GRHL2: variants seen among roughly 807,000 people sequenced by gnomAD.
GRHL2 encodes the protein grainyhead-like protein 2 homolog.
GRHL2 carries 21 observed loss-of-function variants against 83.8 expected under a neutral mutation model. The ratio of observed to expected loss-of-function variants is 0.25; its 90% confidence interval spans 0.18 to 0.36. GRHL2 has a LOEUF of 0.36. Ranked by LOEUF, GRHL2 falls within the 10% of genes least tolerant of loss-of-function variation. The pLI is 1.00. For synonymous variants in GRHL2, 280 were observed against 278.9 expected, an observed-to-expected ratio of 1.00 and a Z score of -0.04; for missense variants, 623 against 781.8, an observed-to-expected ratio of 0.80 and a Z score of 2.42.
At chr8:101,516,682 C>T (rs1810579337) in intron 1 of GRHL2, among the ~76,000 whole-genome samples, 1 of 152,214 alleles carries the variant, frequency 6.6e-6, no homozygotes, top group Non-Finnish European at 1.5e-5. Flanking sequence ...GCTGGGATTA[C>T]AGGCATGAGC....
intron 1 of GRHL2, among the ~76,000 whole-genome samples, chr8:101,503,997 C>A (rs1400899628): frequency 6.6e-6 from 1 of 151,864 alleles, no homozygotes; most frequent in East Asian, 1.9e-4. Flanking sequence ...TTTATTTATG[C>A]ATTTATGTAT....
At chr8:101,586,926 A>G (rs1281857476) in intron 7 of GRHL2, among the ~76,000 whole-genome samples, 25 of 152,198 alleles carry the variant, frequency 1.6e-4, no homozygotes, top group Non-Finnish European at 1.2e-4. Flanking sequence ...ATTTAAATAT[A>G]TTTTATTGTA....
intron 6 of GRHL2, among the ~76,000 whole-genome samples, chr8:101,575,042 C>T (rs78707920): frequency 0.024 from 3,606 of 152,250 alleles, 162 homozygotes; most frequent in African/African-American, 0.082. Context: ...GACTCCTGAA[C>T]CCAACTCTCT....
At chr8:101,553,199 C>T (rs1222711502) in intron 3 of GRHL2, among the ~76,000 whole-genome samples, 1 of 152,156 alleles carries the variant, frequency 6.6e-6, no homozygotes, top group Non-Finnish European at 1.5e-5. Context: ...TCTTTCTCAG[C>T]CAAGGGAGGC....
chr8:101,504,627 G>C (rs1464216571), intron 1 of GRHL2, among the ~76,000 whole-genome samples: 1 of 151,880 alleles, frequency 6.6e-6, no homozygotes, highest in Non-Finnish European at 1.5e-5. Context: ...GGTAGTTGTA[G>C]GCAAGGTCGG....
At chr8:101,573,349 C>T (rs993189218) in intron 5 of GRHL2, among the ~76,000 whole-genome samples, 1 of 151,776 alleles carries the variant, frequency 6.6e-6, no homozygotes, top group Non-Finnish European at 1.5e-5. Flanking sequence ...TCTTAAGCTT[C>T]AAGCATTACC....
In GRHL2 at chr8:101,565,375, T is replaced by C. The variant is rs533016725; in HGVS notation, c.679-4964T>C. ...TTGTTTATTCTGTACTACAGTTTTC[T>C]ATAAGTCAGTTAACAATAGTTTCTG... On this transcript the variant is annotated intron_variant, in intron 4 of 15. Coordinates refer to ENST00000646743, the MANE Select transcript of GRHL2 (RefSeq NM_024915.4). Among the ~76,000 whole-genome samples the C allele has an allele frequency of 3.3e-5, 5 of 152,348 alleles. No individual in the cohort carries two copies. The South Asian group carries it at 1.0e-3, about 32-fold the overall frequency.
intron 14 of GRHL2, among the ~76,000 whole-genome samples, chr8:101,651,253 A>C (rs1477220845): frequency 6.6e-6 from 1 of 152,196 alleles, no homozygotes; most frequent in Non-Finnish European, 1.5e-5. Flanking sequence ...TATATTACCA[A>C]AACTGACTTA....
chr8:101,674,445 C>T (rs1253297834), downstream of GRHL2, among the ~76,000 whole-genome samples: 1 of 152,104 alleles, frequency 6.6e-6, no homozygotes, highest in African/African-American at 2.4e-5. Flanking sequence ...CGCAAATAAA[C>T]TAGAAAATCT....
chr8:101,503,694 G>A (rs1810277444), intron 1 of GRHL2, among the ~76,000 whole-genome samples: 1 of 152,160 alleles, frequency 6.6e-6, no homozygotes, highest in Admixed American at 6.5e-5. Context: ...GCTATCAAGG[G>A]TTGGTTTAGT....
At chr8:101,646,497 G>A (rs768100178) in intron 13 of GRHL2, among the ~76,000 whole-genome samples, 3 of 152,158 alleles carry the variant, frequency 2.0e-5, no homozygotes, top group Non-Finnish European at 4.4e-5. Flanking sequence ...CACTTTCCTC[G>A]GGAGTGATTT....
intron 14 of GRHL2, among the ~76,000 whole-genome samples, chr8:101,654,654 G>A (rs1813745987): frequency 6.6e-6 from 1 of 152,190 alleles, no homozygotes; most frequent in African/African-American, 2.4e-5. Context: ...GAATAGTGTT[G>A]CCACCCTTCC....
intron 8 of GRHL2, among the ~76,000 whole-genome samples, chr8:101,608,462 C>T (rs2507795): frequency 0.45 from 68,447 of 151,952 alleles, 17,202 homozygotes; most frequent in Non-Finnish European, 0.57. Flanking sequence ...AGAATCCCTG[C>T]GCTCAGAGAA....
chr8:101,541,816 A>G (rs1478109821), intron 1 of GRHL2, among the ~76,000 whole-genome samples: 2 of 152,176 alleles, frequency 1.3e-5, no homozygotes, highest in Admixed American at 6.5e-5. Flanking sequence ...ACCTGAAGAC[A>G]TTGCCTTGTT....
chr8:101,605,828 A>C (rs910111402), intron 8 of GRHL2, among the ~76,000 whole-genome samples: 2 of 152,174 alleles, frequency 1.3e-5, no homozygotes, highest in African/African-American at 4.8e-5. Context: ...GCATGCTTTC[A>C]ATTACAGTGC....
downstream of GRHL2, among the ~76,000 whole-genome samples, chr8:101,672,946 C>A (rs1424376368): frequency 2.0e-5 from 3 of 151,526 alleles, no homozygotes; most frequent in South Asian, 2.1e-4. Flanking sequence ...TCATGTCCAG[C>A]CAAACTAAGC....
intron 4 of GRHL2, among the ~76,000 whole-genome samples, chr8:101,565,166 G>T (rs1198623445): frequency 2.0e-5 from 3 of 152,076 alleles, no homozygotes; most frequent in Non-Finnish European, 4.4e-5. Flanking sequence ...GGTTCAGAGA[G>T]GTTAAGAAAC....
chr8:101,631,499 C>A, intron 9 of GRHL2, 138 bp from the exon 10 acceptor site: 1 of 741,412 alleles, frequency 1.3e-6, no homozygotes, highest in South Asian at 1.5e-5. Context: ...CCCAACCTTG[C>A]CAGAGGAATG....
At chr8:101,678,430 C>T in the GRHL2 span, among the ~76,000 whole-genome samples, 1 of 152,136 alleles carries the variant, frequency 6.6e-6, no homozygotes, top group African/African-American at 2.4e-5. Context: ...TCGGAGGGTC[C>T]TACGCCCACG....
Sources: allele counts gnomAD v4.1 joint callset (sites outside exome capture counted in the v4.1 genomes callset), GRCh38; gene constraint gnomAD v4.1.1; transcripts MANE v1.5; gene names NCBI Gene and HGNC (gene_info 2026-07-23, HGNC 2026-07-21).